Variants in PAX7 observed in about 807,000 individuals in gnomAD.
The protein encoded by PAX7 is paired box 7.
A neutral mutation model predicts 50.7 loss-of-function variants in PAX7; 18 were observed. The observed-to-expected ratio is 0.36, with a 90% CI of 0.25 to 0.53. The LOEUF is 0.53. PAX7 is among the 20% of genes least tolerant of loss of function. The pLI is 0.93. For missense variants in PAX7, 644 were observed against 702.9 expected (o/e 0.92, Z 0.95); for synonymous variants, 310 against 290.4 (o/e 1.07, Z -0.69).
chr1:18,649,248 C>T lies in PAX7; in HGVS notation c.586+12877C>T, dbSNP rs578108051. On this transcript the variant is annotated intron_variant, in intron 4 of 8. Coordinates refer to ENST00000420770, the MANE Select transcript of PAX7 (RefSeq NM_001135254.2). ...AACGGACTGGTGGAAGCTTTGCTCCCAGGAATTAGGAAGGCATGGGATAAG... is the reference window on the plus strand; with the variant it reads ...AACGGACTGGTGGAAGCTTTGCTCCTAGGAATTAGGAAGGCATGGGATAAG... Among the ~76,000 whole-genome samples, 5 of 152,190 alleles carry T rather than the reference C, an allele frequency of 3.3e-5. No individual in the cohort carries two copies. In the South Asian group the frequency reaches 1.0e-3, roughly 32 times the overall value.
chr1:18,744,697 G>GATGGATGGATAA (rs1553145061), intron 8 of PAX7, 117 bp from the exon 9 acceptor site: 7,111 of 505,566 alleles, frequency 0.014, 289 homozygotes, highest in African/African-American at 0.12. Flanking sequence ...TAAATGGATG[G>GATGGATGGATAA]ATGGATGGAT....
At chr1:18,695,660 A>G (rs1035156161) in intron 5 of PAX7, among the ~76,000 whole-genome samples, 3 of 152,212 alleles carry the variant, frequency 2.0e-5, no homozygotes, top group Non-Finnish European at 4.4e-5. Context: ...GTCAGGCAGG[A>G]GAACCCATGC....
intron 7 of PAX7, among the ~76,000 whole-genome samples, chr1:18,716,995 ATCGGG>A (rs1328650217): frequency 7.0e-6 from 1 of 143,882 alleles, no homozygotes; most frequent in African/African-American, 2.5e-5. Context: ...CGGAGCGGGG[ATCGGG>A]TCTGGGGGGA....
At position 18,636,929 on chromosome 1, in the gene PAX7, C is replaced by T. The variant is rs2088169098; in HGVS notation, c.586+558C>T. Reference sequence around the variant, plus strand: ...TAGCCAGGGCCGCCGCCTGACTCAGCCCCGCGTTGCCAGGGCGGACTGGGG... The same window carrying T: ...TAGCCAGGGCCGCCGCCTGACTCAGTCCCGCGTTGCCAGGGCGGACTGGGG... On this transcript the variant is annotated intron_variant, in intron 4 of 8. Coordinates refer to ENST00000420770, the MANE Select transcript of PAX7 (RefSeq NM_001135254.2). This position sits in a 1 kb window ranked among gnomAD's most constrained non-coding sequence, Gnocchi z 5.1. Among the ~76,000 whole-genome samples the T allele has an allele frequency of 6.6e-6, 1 of 152,200 alleles. No homozygotes were observed. Among genetic ancestry groups the T allele is most frequent in the African/African-American group, 2.4e-5 (1 of 41,452 alleles).
In PAX7 at chr1:18,645,369, G is replaced by GC. The variant is rs568452283; in HGVS notation, c.586+9003dup. On this transcript the variant is annotated intron_variant, in intron 4 of 8. Transcript: ENST00000420770. ...CACGAAAAGACCGAAGATCAAAGAG[G>GC]CCCCCGAGCGGGACAGAAAAAGGGG... Among the ~76,000 whole-genome samples the GC allele has an allele frequency of 1.1e-4, 17 of 152,350 alleles. No individual in the cohort carries two copies. The East Asian group carries it at 1.9e-3, about 17-fold the overall frequency.
At position 18,634,524 on chromosome 1, in the gene PAX7, G is replaced by C; in HGVS notation, c.307G>C (p.Gly103Arg). ...TGSIRPGAIG[G>R]SKPRQVATPD... is the part of the protein sequence containing the mutation. ...GTCCATCCGGCCTGGGGCCATCGGC[G>C]GCAGCAAGCCCAGAGTGAGTGTCTT... The change falls in exon 2 of 9, where the codon GGC becomes CGC. Residue 103 changes from glycine to arginine, a missense_variant. Gly to Arg is a moderately radical substitution (Grantham distance 125). Transcript: ENST00000420770. This position sits in a 1 kb window ranked among gnomAD's most constrained non-coding sequence, Gnocchi z 4.0. 6.2e-7 allele frequency: 1 copy of C among 1,613,902 alleles called. No homozygotes were observed. Among genetic ancestry groups the C allele is most frequent in the Middle Eastern group, 1.6e-4 (1 of 6,062 alleles).
intron 4 of PAX7, among the ~76,000 whole-genome samples, chr1:18,651,398 C>T (rs544510402): frequency 7.9e-5 from 12 of 152,102 alleles, no homozygotes; most frequent in African/African-American, 2.2e-4. Context: ...AATTTCGCAT[C>T]GTAAAAAAGT....
At chr1:18,720,710 CTG>C (rs940831482) in intron 7 of PAX7, among the ~76,000 whole-genome samples, 10 of 150,202 alleles carry the variant, frequency 6.7e-5, no homozygotes, top group East Asian at 3.9e-4. Flanking sequence ...GTGGTGGAGA[CTG>C]GGGGGAGAGA....
intron 4 of PAX7, among the ~76,000 whole-genome samples, chr1:18,681,091 T>A (rs1198062200): frequency 7.2e-6 from 1 of 138,934 alleles, no homozygotes; most frequent in African/African-American, 2.7e-5. Context: ...CGCTTGAACC[T>A]GGGAGGCGGA....
In PAX7 at chr1:18,634,676, C is replaced by G. The variant is rs1420182409; in HGVS notation, c.321+138C>G. The stretch of plus-strand genomic sequence containing the variant: ...GGTGTCTTCTACTCCCAGATGTCCT[C>G]CCATTGTTTTCCTATTATTTGAATT... On this transcript the variant is annotated intron_variant, in intron 2 of 8. Coordinates refer to ENST00000420770, the MANE Select transcript of PAX7 (RefSeq NM_001135254.2). The surrounding 1 kb of genome is among the most constrained non-coding windows in gnomAD (Gnocchi z 4.0). 3.0e-6 allele frequency: 2 copies of G among 673,366 alleles called. No individual in the cohort carries two copies. The highest frequency in any genetic ancestry group is 5.0e-6 in the Non-Finnish European group (2 of 398,164). The allele number at this position is 673,366 out of a possible 1,614,324, so 41.7% of individuals were successfully genotyped here. A position where few individuals can be genotyped will look rare whatever the true frequency, so the allele number is the denominator to read the frequency against.
intron 4 of PAX7, among the ~76,000 whole-genome samples, chr1:18,684,501 G>A (rs938196302): frequency 6.6e-6 from 1 of 152,210 alleles, no homozygotes; most frequent in Non-Finnish European, 1.5e-5. Context: ...CCGCAGCCAC[G>A]CCCGAGCCCC....
chr1:18,705,446 A>C (rs1194009157), intron 7 of PAX7, among the ~76,000 whole-genome samples: 1 of 152,172 alleles, frequency 6.6e-6, no homozygotes, highest in Non-Finnish European at 1.5e-5. Context: ...TTCTGTGTGC[A>C]GCTGTCTTGC....
chr1:18,669,199 C>G (rs2088708904), intron 4 of PAX7, among the ~76,000 whole-genome samples: 1 of 152,164 alleles, frequency 6.6e-6, no homozygotes, highest in African/African-American at 2.4e-5. Context: ...CTCAGAGAGG[C>G]AGAGTGAGCA....
At chr1:18,646,870 G>T (rs1163785558) in intron 4 of PAX7, among the ~76,000 whole-genome samples, 1 of 150,148 alleles carries the variant, frequency 6.7e-6, no homozygotes, top group African/African-American at 2.4e-5. Flanking sequence ...AGAAAACCGG[G>T]GGGCGGCGCG....
intron 7 of PAX7, among the ~76,000 whole-genome samples, chr1:18,707,974 T>C (rs2089305277): frequency 6.6e-6 from 1 of 152,092 alleles, no homozygotes; most frequent in African/African-American, 2.4e-5. Context: ...GGCAAATGCT[T>C]TTCAGGAGGT....
intron 5 of PAX7, among the ~76,000 whole-genome samples, chr1:18,695,284 T>C (rs1398737116): frequency 6.6e-6 from 1 of 152,034 alleles, no homozygotes; most frequent in African/African-American, 2.4e-5. Context: ...TTACTAAAAC[T>C]CTGCCCGTTC....
intron 4 of PAX7, among the ~76,000 whole-genome samples, chr1:18,675,353 T>C (rs1265286648): frequency 6.6e-6 from 1 of 152,034 alleles, no homozygotes; most frequent in African/African-American, 2.4e-5. Context: ...CATCTTAGAA[T>C]CACAGAATCT....
chr1:18,743,766 C>A (rs899566232), intron 8 of PAX7, among the ~76,000 whole-genome samples: 4 of 152,230 alleles, frequency 2.6e-5, no homozygotes, highest in African/African-American at 9.6e-5. Flanking sequence ...CATCCCTGCA[C>A]ATACACAAAT....
intron 7 of PAX7, among the ~76,000 whole-genome samples, chr1:18,724,196 G>C (rs1031993355): frequency 2.3e-4 from 35 of 152,226 alleles, no homozygotes; most frequent in African/African-American, 7.5e-4. Context: ...GAGAGGGCTG[G>C]CTGGGCCCCA....
Sources: allele counts gnomAD v4.1 joint callset (sites outside exome capture counted in the v4.1 genomes callset), GRCh38; gene constraint gnomAD v4.1.1; non-coding constraint Gnocchi (gnomAD v3.1); transcripts MANE v1.5; gene names NCBI Gene and HGNC (gene_info 2026-07-23, HGNC 2026-07-21).